Variants in LRRK1 observed in about 807,000 individuals in gnomAD.
The protein encoded by LRRK1 is leucine rich repeat kinase 1.
Under a neutral mutation model 209.1 loss-of-function variants are expected in LRRK1, and 113 were observed. The observed-to-expected ratio is 0.54, with a 90% CI of 0.46 to 0.63. The LOEUF (loss-of-function observed/expected upper bound fraction) is 0.63, where lower values mean the gene tolerates loss of function less well. Among genes scored for constraint, LRRK1 ranks in the 30% least tolerant of loss-of-function variants. The pLI, the probability that LRRK1 is intolerant of heterozygous loss-of-function variation, is 0.00. For missense variants in LRRK1, 2,284 were observed against 2,632.2 expected (o/e 0.87, Z 2.89); for synonymous variants, 1,144 against 1,099.7 (o/e 1.04, Z -0.80).
chr15:100,972,072 CGT>C (rs1567207893), intron 2 of LRRK1, among the ~76,000 whole-genome samples: 1 of 151,812 alleles, frequency 6.6e-6, no homozygotes, highest in African/African-American at 2.4e-5. Context: ...AAGTGATCCT[CGT>C]GCCTCAGCCA....
intron 12 of LRRK1, 75 bp downstream of exon 12, chr15:101,015,477 G>A (rs2141701138): frequency 6.1e-6 from 7 of 1,141,982 alleles, no homozygotes; most frequent in East Asian, 5.1e-5. Context: ...ACCAAAGTGG[G>A]GATCGCCCTT....
intron 2 of LRRK1, among the ~76,000 whole-genome samples, chr15:100,925,271 A>G (rs2141591824): frequency 6.6e-6 from 1 of 152,338 alleles, no homozygotes; most frequent in South Asian, 2.1e-4. Context: ...TTAGGGCACC[A>G]CCTGGCTCCC....
chr15:100,997,072 T>C (rs1376667792), intron 6 of LRRK1, among the ~76,000 whole-genome samples: 5 of 132,794 alleles, frequency 3.8e-5, no homozygotes. Context: ...ATATGATTAT[T>C]AATATAATCA....
chr15:101,008,828 C>A lies in LRRK1; in HGVS notation c.763-9C>A. Reference sequence around the variant, plus strand: ...TCCACATGTGCTTTTCCTTTCTTTCCACCACCAGGCTCTCCGTGTGAAATG... The same window carrying A: ...TCCACATGTGCTTTTCCTTTCTTTCAACCACCAGGCTCTCCGTGTGAAATG... On this transcript the variant is annotated splice_polypyrimidine_tract_variant and intron_variant, in intron 6 of 33. Transcript: ENST00000388948. The A allele has an allele frequency of 6.2e-7, 1 of 1,606,280 alleles. No individual in the cohort carries two copies. Among genetic ancestry groups the A allele is most frequent in the South Asian group, 1.1e-5 (1 of 90,904 alleles).
In LRRK1 at chr15:101,065,390, T is replaced by C. The variant is rs1483976403; in HGVS notation, c.4953T>C (p.Leu1651=). The stretch of plus-strand genomic sequence containing the variant: ...TCTTAGCGGGCCTCGCCGATGGGCT[T>C]GTGGCTGTGTTTCCCGTGGTGCGGG... ...YLVLAGLADG[L]VAVFPVVRGT... is the part of the protein sequence containing the mutation. The change falls in exon 32 of 34, where the codon CTT becomes CTC. Residue 1651 remains leucine (L), a synonymous_variant. Transcript: ENST00000388948. 6.2e-7 allele frequency: 1 copy of C among 1,614,016 alleles called. No individual in the cohort carries two copies. The highest frequency in any genetic ancestry group is 8.5e-7 in the Non-Finnish European group (1 of 1,180,050).
intron 5 of LRRK1, 70 bp downstream of exon 5, chr15:100,988,883 T>C (rs1567217953): frequency 7.8e-7 from 1 of 1,290,320 alleles, no homozygotes; most frequent in African/African-American, 1.5e-5. Context: ...TGTGGGACTG[T>C]GTCTTTATTC....
chr15:100,967,457 G>C (rs2030538577), intron 2 of LRRK1, among the ~76,000 whole-genome samples: 1 of 151,446 alleles, frequency 6.6e-6, no homozygotes, highest in Non-Finnish European at 1.5e-5. Context: ...GGCTTAGCGT[G>C]AGTTGTAAAG....
intron 6 of LRRK1, among the ~76,000 whole-genome samples, chr15:100,989,839 T>C (rs1476557823): frequency 6.6e-6 from 1 of 152,166 alleles, no homozygotes; most frequent in Non-Finnish European, 1.5e-5. Context: ...GAGTTTTTGT[T>C]TTTGTTTCTG....
chr15:100,979,392 T>TA (rs1259821075), intron 3 of LRRK1, among the ~76,000 whole-genome samples: 2 of 152,150 alleles, frequency 1.3e-5, no homozygotes, highest in Non-Finnish European at 2.9e-5. Flanking sequence ...TCATTGTATT[T>TA]AAAAAATACT....
At chr15:101,042,769 A>T (rs1276941199) in intron 20 of LRRK1, among the ~76,000 whole-genome samples, 1 of 152,132 alleles carries the variant, frequency 6.6e-6, no homozygotes. Flanking sequence ...GCTATTACTT[A>T]ACTTTTCTTC....
At chr15:101,049,449 C>T (rs2035273966) in intron 22 of LRRK1, 195 bp from the exon 23 acceptor site, 1 of 541,982 alleles carries the variant, frequency 1.8e-6, no homozygotes. Flanking sequence ...CCTCCTTCAC[C>T]AGGCCAGGTC....
chr15:101,008,537 C>T (rs2033083399), intron 6 of LRRK1, among the ~76,000 whole-genome samples: 2 of 152,216 alleles, frequency 1.3e-5, no homozygotes, highest in Admixed American at 1.3e-4. Flanking sequence ...CTGTGAGCCG[C>T]CTCTTGAGGG....
rs28532441 is a variant in LRRK1, at chr15:101,061,786, G to C, written c.4797+498G>C. Among the ~76,000 whole-genome samples, 795 of 152,306 alleles carry C rather than the reference G, an allele frequency of 5.2e-3. 5 individuals are homozygous for C. The highest frequency in any genetic ancestry group is 0.018 in the African/African-American group (762 of 41,558). On this transcript the variant is annotated intron_variant, in intron 30 of 33. Coordinates refer to ENST00000388948, the MANE Select transcript of LRRK1 (RefSeq NM_024652.6). Reference sequence around the variant, plus strand: ...AGCACTTTGGGAGGCCAAGATAGGAGGATCACGAGGTCAAGAGATTGAGAC... The same window carrying C: ...AGCACTTTGGGAGGCCAAGATAGGACGATCACGAGGTCAAGAGATTGAGAC...
chr15:101,024,879 C>T lies in LRRK1; in HGVS notation c.2144C>T (p.Thr715Met). The change falls in exon 16 of 34, where the codon ACG becomes ATG. Residue 715 changes from threonine (T) to methionine (M), a missense_variant. Around this residue, in one of 6 missense-constraint regions of LRRK1, gnomAD observed 780 missense variants for 985.2 expected, o/e 0.79. Transcript: ENST00000388948. This position sits in a 1 kb window ranked among gnomAD's most constrained non-coding sequence, Gnocchi z 4.6. ...GCCACTGTCAACCAGTGCTTCTTCA[C>T]GGACAAGGCCCTGTACGTGGTGGTC... ...SMATVNQCFFTDKALYVVVWN... is the reference protein window; with the variant it reads ...SMATVNQCFFMDKALYVVVWN... 3 of 1,614,178 alleles carry T rather than the reference C, an allele frequency of 1.9e-6. No homozygotes were observed. Among genetic ancestry groups the T allele is most frequent in the Non-Finnish European group, 1.7e-6 (2 of 1,180,016 alleles).
rs2036879083 is a variant in LRRK1, at chr15:101,073,563, C to A, written c.*4715C>A. 1 of 152,158 alleles carries A rather than the reference C, an allele frequency of 6.6e-6. No individual in the cohort carries two copies. Among genetic ancestry groups the A allele is most frequent in the Admixed American group, 6.5e-5 (1 of 15,280 alleles). The allele number at this position is 152,158 out of a possible 1,614,324, so 9.4% of individuals were successfully genotyped here. On this transcript the variant is annotated 3_prime_UTR_variant, in exon 34 of 34. Transcript: ENST00000388948. ...GAGCAAGTACTCCAACCTCATATCT[C>A]TGCGCCCCAATCCCTTATTTCTGTG...
At chr15:100,983,721 C>G (rs2031725303) in intron 4 of LRRK1, 22 bp downstream of exon 4, 1 of 1,611,196 alleles carries the variant, frequency 6.2e-7, no homozygotes, top group African/African-American at 1.3e-5. Context: ...GGCATGAGCT[C>G]TTAACCGTGT....
intron 33 of LRRK1, among the ~76,000 whole-genome samples, chr15:101,068,293 T>C (rs1272353044): frequency 6.6e-6 from 1 of 152,178 alleles, no homozygotes; most frequent in Non-Finnish European, 1.5e-5. Context: ...GCAAGGGAGT[T>C]GAGTTAAACT....
At chr15:101,045,262 G>A (rs1053160496) in intron 20 of LRRK1, among the ~76,000 whole-genome samples, 1 of 152,218 alleles carries the variant, frequency 6.6e-6, no homozygotes, top group African/African-American at 2.4e-5. Context: ...GGGAAGGAGT[G>A]CAGCATCTGC....
intron 20 of LRRK1, among the ~76,000 whole-genome samples, chr15:101,041,930 C>T (rs1404714129): frequency 1.3e-5 from 2 of 151,916 alleles, no homozygotes; most frequent in African/African-American, 4.8e-5. Flanking sequence ...AATGTGGTCT[C>T]TCTCTCTCTC....
Sources: gnomAD v4.1 joint callset for allele counts (sites outside exome capture counted in the v4.1 genomes callset) on GRCh38, gnomAD v4.1.1 for gene constraint, gnomAD v4.1.1 regional missense constraint, Gnocchi (gnomAD v3.1) non-coding constraint, MANE v1.5 for transcripts, NCBI Gene and HGNC (gene_info 2026-07-23, HGNC 2026-07-21) for gene names.